CACNB2: variants seen among roughly 807,000 people sequenced by gnomAD.
CACNB2 encodes calcium voltage-gated channel auxiliary subunit beta 2, also known as voltage-dependent L-type calcium channel subunit beta-2.
Under a neutral mutation model 73.3 loss-of-function variants are expected in CACNB2, and 42 were observed. The ratio of observed to expected loss-of-function variants is 0.57; its 90% confidence interval spans 0.45 to 0.74. CACNB2 has a LOEUF of 0.74. Among genes scored for constraint, CACNB2 ranks in the 30% least tolerant of loss-of-function variants. The pLI, the probability that CACNB2 is intolerant of heterozygous loss-of-function variation, is 0.00. For missense variants in CACNB2, 940 were observed against 853.0 expected (o/e 1.10, Z -1.27); for synonymous variants, 348 against 310.3 (o/e 1.12, Z -1.28).
intron 2 of CACNB2, among the ~76,000 whole-genome samples, chr10:18,303,371 G>A (rs573646615): frequency 6.6e-6 from 1 of 152,184 alleles, no homozygotes; most frequent in East Asian, 1.9e-4. Flanking sequence ...CAAGTATGGT[G>A]GTGCACGCCT....
chr10:18,481,231 T>TATATATATATA (rs1467945071), intron 3 of CACNB2, among the ~76,000 whole-genome samples: 46 of 12,498 alleles, frequency 3.7e-3, no homozygotes, highest in Admixed American at 5.1e-3. Flanking sequence ...TATATATATA[T>TATATATATATA]TTTTTTTTTT....
At chr10:18,175,382 G>A (rs879766476) in intron 2 of CACNB2, among the ~76,000 whole-genome samples, 10 of 152,240 alleles carry the variant, frequency 6.6e-5, no homozygotes, top group African/African-American at 2.4e-4. Flanking sequence ...TTACTTTGTC[G>A]CATATAAAAT....
At chr10:18,199,243 T>C (rs546943243) in intron 2 of CACNB2, among the ~76,000 whole-genome samples, 2 of 152,274 alleles carry the variant, frequency 1.3e-5, no homozygotes, top group South Asian at 4.1e-4. Context: ...TTCTAGAAAT[T>C]GCAACAAAGA....
At chr10:18,459,893 G>A (rs2047474054) in intron 3 of CACNB2, among the ~76,000 whole-genome samples, 2 of 152,128 alleles carry the variant, frequency 1.3e-5, no homozygotes, top group South Asian at 4.1e-4. Flanking sequence ...AGCTACTCGG[G>A]AGGCTGAGGT....
chr10:18,482,602 C>T (rs2048840429), intron 3 of CACNB2, among the ~76,000 whole-genome samples: 1 of 152,166 alleles, frequency 6.6e-6, no homozygotes, highest in Admixed American at 6.5e-5. Flanking sequence ...CCTCCACCTC[C>T]CGGGTTCAAG....
chr10:18,514,677 A>C lies in CACNB2; in HGVS notation c.804+308A>C, dbSNP rs1417529192. The C allele has an allele frequency of 4.0e-5, 37 of 934,078 alleles. 1 individual carries two copies. Among genetic ancestry groups the C allele is most frequent in the Middle Eastern group, 5.5e-4 (2 of 3,662 alleles). The allele number at this position is 934,078 out of a possible 1,614,324, so 57.9% of individuals were successfully genotyped here. On this transcript the variant is annotated intron_variant, in intron 7 of 13. Coordinates refer to ENST00000324631, the MANE Select transcript of CACNB2 (RefSeq NM_201596.3). ...GAGTTCATGCATTTCAAACCAACTAAATTCAGGGAGTGACCTGTTAAAACA... is the reference window on the plus strand; with the variant it reads ...GAGTTCATGCATTTCAAACCAACTACATTCAGGGAGTGACCTGTTAAAACA...
rs567167979 is a variant in CACNB2 at position 18,218,166 on chromosome 10, A to G, written c.213+67191A>G. The stretch of plus-strand genomic sequence containing the variant: ...ATGTCATTACCAATTTAATAGAAAT[A>G]TTTCTTGTTGGACTAGTCTCTAACA... On this transcript the variant is annotated intron_variant, in intron 2 of 13. Transcript: ENST00000324631. 3.9e-5 allele frequency among the ~76,000 whole-genome samples: 6 copies of G among 152,284 alleles called. No homozygotes were observed. In the South Asian group the frequency reaches 1.0e-3, roughly 26 times the overall value.
At chr10:18,374,236 A>T (rs547130566) in intron 2 of CACNB2, among the ~76,000 whole-genome samples, 1 of 152,360 alleles carries the variant, frequency 6.6e-6, no homozygotes, top group African/African-American at 2.4e-5. Flanking sequence ...AGTTTCCAGA[A>T]CAGGGAAGGC....
intron 2 of CACNB2, among the ~76,000 whole-genome samples, chr10:18,239,603 T>C (rs186773895): frequency 3.3e-5 from 5 of 152,332 alleles, no homozygotes; most frequent in Admixed American, 3.3e-4. Flanking sequence ...ATTCCATATC[T>C]TTGCTATTGT....
At chr10:18,506,006 G>T (rs2087123166) in intron 5 of CACNB2, among the ~76,000 whole-genome samples, 1 of 152,154 alleles carries the variant, frequency 6.6e-6, no homozygotes, top group South Asian at 2.1e-4. Context: ...TTGATAGATT[G>T]CTCATGAAAG....
At chr10:18,152,820 A>G (rs1027583948) in intron 2 of CACNB2, among the ~76,000 whole-genome samples, 1 of 152,016 alleles carries the variant, frequency 6.6e-6, no homozygotes, top group Non-Finnish European at 1.5e-5. Context: ...AATTGCACGG[A>G]AAGAAAAACT....
At chr10:18,411,725 C>A (rs889741384) in intron 3 of CACNB2, among the ~76,000 whole-genome samples, 1 of 152,126 alleles carries the variant, frequency 6.6e-6, no homozygotes, top group African/African-American at 2.4e-5. Flanking sequence ...CCAGGCTGTT[C>A]TCGAACTCCT....
intron 2 of CACNB2, among the ~76,000 whole-genome samples, chr10:18,366,150 T>C (rs914307452): frequency 6.6e-5 from 10 of 152,122 alleles, no homozygotes; most frequent in Admixed American, 2.0e-4. Flanking sequence ...TAGGTCTGGG[T>C]CATGTAAATA....
At chr10:18,421,888 C>T (rs1182669486) in intron 3 of CACNB2, among the ~76,000 whole-genome samples, 2 of 152,108 alleles carry the variant, frequency 1.3e-5, no homozygotes, top group East Asian at 1.9e-4. Flanking sequence ...CTCTCAGATA[C>T]TTGAGGAGAT....
intron 1 of CACNB2, among the ~76,000 whole-genome samples, chr10:18,142,295 A>G (rs2030496803): frequency 6.6e-6 from 1 of 152,222 alleles, no homozygotes; most frequent in East Asian, 1.9e-4. Flanking sequence ...GTAGTGGTAA[A>G]ACAGCTAGAT....
At chr10:18,455,913 A>G (rs1279998329) in intron 3 of CACNB2, among the ~76,000 whole-genome samples, 1 of 152,222 alleles carries the variant, frequency 6.6e-6, no homozygotes. Context: ...TTGATGGTCC[A>G]TGAAGGATGC....
At chr10:18,195,770 T>C (rs1387294290) in intron 2 of CACNB2, among the ~76,000 whole-genome samples, 2 of 152,188 alleles carry the variant, frequency 1.3e-5, no homozygotes, top group Non-Finnish European at 2.9e-5. Flanking sequence ...CTGGTCCATT[T>C]CTCCTTGAGT....
intron 2 of CACNB2, among the ~76,000 whole-genome samples, chr10:18,162,685 A>C (rs1438850656): frequency 6.6e-6 from 1 of 152,176 alleles, no homozygotes; most frequent in Non-Finnish European, 1.5e-5. Context: ...TGGGTCATAA[A>C]AACCTTAGGT....
At chr10:18,242,788 T>A (rs1414770077) in intron 2 of CACNB2, among the ~76,000 whole-genome samples, 2 of 149,746 alleles carry the variant, frequency 1.3e-5, no homozygotes, top group Non-Finnish European at 3.0e-5. Context: ...ATTGAGACCA[T>A]CCTGGCTAAC....
Sources: gnomAD v4.1 joint callset for allele counts (sites outside exome capture counted in the v4.1 genomes callset) on GRCh38, gnomAD v4.1.1 for gene constraint, MANE v1.5 for transcripts, NCBI Gene and HGNC (gene_info 2026-07-23, HGNC 2026-07-21) for gene names.